The following ANKRD44 variants were observed in gnomAD, a reference collection of about 807,000 sequenced individuals.
The protein encoded by ANKRD44 is serine/threonine-protein phosphatase 6 regulatory ankyrin repeat subunit B.
Under a neutral mutation model 116.0 loss-of-function variants are expected in ANKRD44, and 35 were observed. The observed-to-expected ratio is 0.30, with a 90% CI of 0.23 to 0.40. ANKRD44 has a LOEUF of 0.40. ANKRD44 is among the 10% of genes least tolerant of loss of function. ANKRD44 has a pLI of 1.00. For missense variants in ANKRD44, 1,014 were observed against 1,242.6 expected (o/e 0.82, Z 2.77); for synonymous variants, 435 against 461.8 (o/e 0.94, Z 0.74).
intron 9 of ANKRD44, among the ~76,000 whole-genome samples, chr2:197,108,203 C>A (rs956592919): frequency 1.3e-5 from 2 of 152,160 alleles, no homozygotes; most frequent in Admixed American, 1.3e-4. Flanking sequence ...TTTATCCAGA[C>A]ACAAGTGACA....
intron 17 of ANKRD44, among the ~76,000 whole-genome samples, chr2:197,020,143 A>G (rs1033039368): frequency 1.3e-5 from 2 of 152,084 alleles, no homozygotes; most frequent in African/African-American, 4.8e-5. Context: ...CCAACTCAGG[A>G]GCACTTCATG....
intron 25 of ANKRD44, among the ~76,000 whole-genome samples, chr2:196,997,833 T>C (rs2076041661): frequency 6.6e-6 from 1 of 152,066 alleles, no homozygotes; most frequent in Admixed American, 6.5e-5. Context: ...ATTTTTTGCA[T>C]TGAACTGTAC....
chr2:197,207,105 C>T (rs2081225777), intron 1 of ANKRD44, among the ~76,000 whole-genome samples: 1 of 152,192 alleles, frequency 6.6e-6, no homozygotes, highest in Non-Finnish European at 1.5e-5. Context: ...TAAATTAAAA[C>T]TCTTCTTGTG....
At chr2:197,079,662 C>T (rs2077749895) in intron 15 of ANKRD44, among the ~76,000 whole-genome samples, 1 of 152,234 alleles carries the variant, frequency 6.6e-6, no homozygotes, top group Non-Finnish European at 1.5e-5. Flanking sequence ...AGCATTATCC[C>T]TGTGGCAGTG....
chr2:197,141,570 G>A (rs952827117), intron 3 of ANKRD44, among the ~76,000 whole-genome samples: 3 of 152,118 alleles, frequency 2.0e-5, no homozygotes, highest in African/African-American at 4.8e-5. Flanking sequence ...GGGGTGTAAC[G>A]ACACCAGCAT....
At chr2:197,263,930 T>A (rs1225131234) in intron 1 of ANKRD44, among the ~76,000 whole-genome samples, 1 of 135,050 alleles carries the variant, frequency 7.4e-6, no homozygotes, top group Non-Finnish European at 1.6e-5. Flanking sequence ...GAATAAGATG[T>A]TTTCAACTTC....
intron 22 of ANKRD44, among the ~76,000 whole-genome samples, chr2:197,001,092 T>A (rs1049250159): frequency 6.6e-6 from 1 of 152,232 alleles, no homozygotes; most frequent in Admixed American, 6.5e-5. Context: ...TACTTATACT[T>A]TCTTTATTGA....
chr2:197,041,253 C>CT (rs2124954608), intron 16 of ANKRD44, among the ~76,000 whole-genome samples: 1 of 152,290 alleles, frequency 6.6e-6, no homozygotes, highest in Admixed American at 6.5e-5. Context: ...GGCTCCGAGA[C>CT]TGAGAAATCA....
At chr2:196,995,250 G>T in intron 26 of ANKRD44, 129 bp downstream of exon 26, 1 of 508,250 alleles carries the variant, frequency 2.0e-6, no homozygotes, top group Non-Finnish European at 3.4e-6. Context: ...TTCATGCAGG[G>T]GAAGCCAGGA....
chr2:197,310,569 G>C lies in ANKRD44; in HGVS notation c.27+9C>G. 1.7e-6 allele frequency: 2 copies of C among 1,201,948 alleles called. No homozygotes were observed. Among genetic ancestry groups the C allele is most frequent in the Non-Finnish European group, 1.1e-6 (1 of 946,732 alleles). The allele number at this position is 1,201,948 out of a possible 1,614,324, so 74.5% of individuals were successfully genotyped here. On this transcript the variant is annotated intron_variant, in intron 1 of 27. Coordinates refer to ENST00000282272, the MANE Select transcript of ANKRD44 (RefSeq NM_001195144.2). Reference sequence around the variant, plus strand: ...GCGCGTCCCGCCCGCCGGCGCCGCCGCCCGCTACCTGGTCGGTGAGTTTGA... The same window carrying C: ...GCGCGTCCCGCCCGCCGGCGCCGCCCCCCGCTACCTGGTCGGTGAGTTTGA...
At chr2:197,225,107 A>G (rs1170478198) in intron 1 of ANKRD44, among the ~76,000 whole-genome samples, 1 of 152,138 alleles carries the variant, frequency 6.6e-6, no homozygotes, top group Non-Finnish European at 1.5e-5. Context: ...ACTATGACCC[A>G]CTTCTAGGTG....
chr2:197,277,602 C>T (rs2083129170), intron 1 of ANKRD44, among the ~76,000 whole-genome samples: 1 of 152,096 alleles, frequency 6.6e-6, no homozygotes, highest in Admixed American at 6.5e-5. Flanking sequence ...CCTAAAGAAG[C>T]AGAATAATTT....
At chr2:197,232,711 G>A (rs1326665069) in intron 1 of ANKRD44, among the ~76,000 whole-genome samples, 1 of 152,088 alleles carries the variant, frequency 6.6e-6, no homozygotes, top group Non-Finnish European at 1.5e-5. Flanking sequence ...TCTCTTAATG[G>A]CAGGGAGTCC....
rs137915887 is a variant in ANKRD44 at position 197,192,217 on chromosome 2, T to C, written c.28-5111A>G. Among the ~76,000 whole-genome samples the C allele has an allele frequency of 3.5e-3, 538 of 152,276 alleles. 3 individuals are homozygous for C. Among genetic ancestry groups the C allele is most frequent in the African/African-American group, 0.012 (483 of 41,546 alleles). On this transcript the variant is annotated intron_variant, in intron 1 of 27. Coordinates refer to ENST00000282272, the MANE Select transcript of ANKRD44 (RefSeq NM_001195144.2). ...GTACTAATGAATTGGCTTTGGAAGA[T>C]AGGCAGAGTGACAGAGGCTGTCATT...
intron 8 of ANKRD44, among the ~76,000 whole-genome samples, chr2:197,112,204 T>C (rs2078597049): frequency 2.6e-5 from 4 of 152,230 alleles, no homozygotes; most frequent in Non-Finnish European, 5.9e-5. Flanking sequence ...CTTATTTTTA[T>C]AAGTCTCAGA....
At chr2:197,268,069 C>G (rs923088513) in intron 1 of ANKRD44, among the ~76,000 whole-genome samples, 1 of 152,150 alleles carries the variant, frequency 6.6e-6, no homozygotes, top group Non-Finnish European at 1.5e-5. Context: ...AGGAACTCAG[C>G]ACAGGTTTTA....
intron 2 of ANKRD44, among the ~76,000 whole-genome samples, chr2:197,155,840 C>A (rs1160278758): frequency 6.6e-6 from 1 of 152,124 alleles, no homozygotes; most frequent in Non-Finnish European, 1.5e-5. Flanking sequence ...TGAATAATGT[C>A]CACTCTTTGA....
Position 197,141,528 on chromosome 2 carries a change from G to T in ANKRD44, c.191-4866C>A, listed in dbSNP as rs140622949. On this transcript the variant is annotated intron_variant, in intron 3 of 27. Transcript: ENST00000282272. ...CTTTCAAGGAGAAAAATGATCCCAC[G>T]CATGCTGAACCTCATACAGTGACCC... Among the ~76,000 whole-genome samples, 291 of 152,192 alleles carry T rather than the reference G, an allele frequency of 1.9e-3. 1 individual carries two copies. The highest frequency in any genetic ancestry group is 6.6e-3 in the African/African-American group (274 of 41,502).
chr2:196,980,845 G>A (rs749857168), intron 21 of ANKRD44, among the ~76,000 whole-genome samples: 4 of 152,232 alleles, frequency 2.6e-5, no homozygotes, highest in Non-Finnish European at 4.4e-5. Flanking sequence ...CAGCCTGACA[G>A]TAAATCAGCT....
Sources: allele counts gnomAD v4.1 joint callset (sites outside exome capture counted in the v4.1 genomes callset), GRCh38; gene constraint gnomAD v4.1.1; transcripts MANE v1.5; gene names NCBI Gene and HGNC (gene_info 2026-07-23, HGNC 2026-07-21).